SULT4A1: variants seen among roughly 807,000 people sequenced by gnomAD.
The protein encoded by SULT4A1 is sulfotransferase 4A1.
A neutral mutation model predicts 35.2 loss-of-function variants in SULT4A1; 11 were observed. The ratio of observed to expected loss-of-function variants is 0.31; its 90% CI spans 0.20 to 0.52. SULT4A1 has a LOEUF of 0.52. Ranked by LOEUF, SULT4A1 falls within the 20% of genes least tolerant of loss-of-function variation. The pLI is 0.97. For missense variants in SULT4A1, 271 were observed against 383.7 expected, an observed-to-expected ratio of 0.71 and a Z score of 2.45; for synonymous variants, 152 against 151.8, an observed-to-expected ratio of 1.00 and a Z score of -0.01.
At chr22:43,860,691 A>G (rs1420590403) in intron 1 of SULT4A1, among the ~76,000 whole-genome samples, 1 of 144,008 alleles carries the variant, frequency 6.9e-6, no homozygotes, top group African/African-American at 2.4e-5. Context: ...GAAAATATGA[A>G]CTGGGCTACC....
intron 5 of SULT4A1, among the ~76,000 whole-genome samples, chr22:43,831,171 A>G (rs2148278108): frequency 7.1e-6 from 1 of 141,832 alleles, no homozygotes; most frequent in South Asian, 2.6e-4. Context: ...GGGAGCCTGG[A>G]AGGCAGAGAA....
At chr22:43,835,311 C>T (rs879638017) in intron 4 of SULT4A1, among the ~76,000 whole-genome samples, 4 of 152,254 alleles carry the variant, frequency 2.6e-5, no homozygotes, top group Admixed American at 6.5e-5. Context: ...GTGCCCACCA[C>T]TGTGACGGTT....
chr22:43,831,080 C>T (rs775752373), intron 5 of SULT4A1, among the ~76,000 whole-genome samples: 1 of 152,218 alleles, frequency 6.6e-6, no homozygotes, highest in Non-Finnish European at 1.5e-5. Context: ...GCACTGACCC[C>T]GGCAGCTCTT....
intron 6 of SULT4A1, 39 bp from the exon 7 acceptor site, chr22:43,826,152 G>T: frequency 1.9e-6 from 3 of 1,610,650 alleles, no homozygotes; most frequent in Non-Finnish European, 2.5e-6. Flanking sequence ...GCCACTTGCT[G>T]TCCGGCCAGC....
chr22:43,838,629 T>G (rs1323822700), intron 4 of SULT4A1, among the ~76,000 whole-genome samples: 1 of 152,210 alleles, frequency 6.6e-6, no homozygotes, highest in Non-Finnish European at 1.5e-5. Flanking sequence ...GACAGTGTGG[T>G]AGAAGAGAAG....
chr22:43,831,935 C>T (rs1301232563), intron 5 of SULT4A1, among the ~76,000 whole-genome samples: 8 of 152,348 alleles, frequency 5.3e-5, no homozygotes, highest in Middle Eastern at 3.4e-3. Context: ...ACACACCAGG[C>T]GGGCCCGTGC....
intron 1 of SULT4A1, among the ~76,000 whole-genome samples, chr22:43,845,040 C>T (rs983335643): frequency 2.6e-5 from 4 of 152,182 alleles, no homozygotes; most frequent in South Asian, 2.1e-4. Context: ...CGGCCCTCTG[C>T]GCCTTCTCCA....
At chr22:43,838,335 CG>C (rs745491803) in intron 4 of SULT4A1, among the ~76,000 whole-genome samples, 4 of 152,226 alleles carry the variant, frequency 2.6e-5, no homozygotes, top group Non-Finnish European at 5.9e-5. Flanking sequence ...CTCCTCCCTG[CG>C]GGCACAAGTG....
chr22:43,828,108 C>T (rs1022112587), intron 6 of SULT4A1, among the ~76,000 whole-genome samples: 4 of 152,224 alleles, frequency 2.6e-5, no homozygotes, highest in Admixed American at 1.3e-4. Flanking sequence ...TGAGCTGGAG[C>T]CCAGCGCGTC....
intron 4 of SULT4A1, among the ~76,000 whole-genome samples, chr22:43,836,635 T>G (rs3901847): frequency 0.12 from 6,602 of 54,708 alleles, 713 homozygotes; most frequent in African/African-American, 0.21. Flanking sequence ...GCCACAGGGA[T>G]CCTGTCTACA....
At chr22:43,852,927 C>G (rs2049358141) in intron 1 of SULT4A1, among the ~76,000 whole-genome samples, 1 of 152,024 alleles carries the variant, frequency 6.6e-6, no homozygotes, top group Non-Finnish European at 1.5e-5. Flanking sequence ...CACACAAGTT[C>G]AGGGATGGAA....
intron 6 of SULT4A1, chr22:43,826,418 ACTC>A: frequency 1.0e-6 from 1 of 984,704 alleles, no homozygotes; most frequent in African/African-American, 1.8e-5. Flanking sequence ...GGGAGACTCT[ACTC>A]CTGTTCAGTG....
intron 2 of SULT4A1, 62 bp from the exon 3 acceptor site, chr22:43,840,087 G>A: frequency 5.1e-6 from 7 of 1,363,118 alleles, no homozygotes; most frequent in Non-Finnish European, 7.1e-6. Context: ...GGAGGAGTGG[G>A]GCCAAGGGGA....
Position 43,862,262 on chromosome 22 carries a change from A to G in SULT4A1, c.121T>C (p.Phe41Leu). The change falls in exon 1 of 7, where the codon TTC (phenylalanine) becomes CTC (leucine). Residue 41 changes from phenylalanine (F) to leucine (L), a missense_variant. Transcript: ENST00000330884. ...CRGKMEEIAN[F>L]PVRPSDVWIV... is the part of the protein sequence containing the mutation. ...CACACGTCGCTGGGCCGCACCGGGA[A>G]GTTGGCGATCTCCTCCATCTTCCCG... 1 of 1,569,266 alleles carries G rather than the reference A, an allele frequency of 6.4e-7. No homozygotes were observed. The highest frequency in any genetic ancestry group is 8.6e-7 in the Non-Finnish European group (1 of 1,157,018).
In SULT4A1 at chr22:43,849,314, G is replaced by A. The variant is rs147377578; in HGVS notation, c.170-7382C>T. On this transcript the variant is annotated intron_variant, in intron 1 of 6. Transcript: ENST00000330884. Reference sequence around the variant, plus strand: ...GGCAGGGAAAGATGGGGCAGAAGACGGCAGGTCCCCAGCAGGGGTCCCACC... The same window carrying A: ...GGCAGGGAAAGATGGGGCAGAAGACAGCAGGTCCCCAGCAGGGGTCCCACC... Among the ~76,000 whole-genome samples the A allele has an allele frequency of 6.2e-3, 940 of 152,224 alleles. 14 individuals carry two copies. The highest frequency in any genetic ancestry group is 0.022 in the African/African-American group (898 of 41,520).
chr22:43,859,799 G>A (rs2049445128), intron 1 of SULT4A1, among the ~76,000 whole-genome samples: 1 of 152,182 alleles, frequency 6.6e-6, no homozygotes, highest in South Asian at 2.1e-4. Flanking sequence ...AGCCCCATGT[G>A]GCTACTGAGC....
At chr22:43,859,934 C>T (rs927574575) in intron 1 of SULT4A1, among the ~76,000 whole-genome samples, 2 of 152,248 alleles carry the variant, frequency 1.3e-5, no homozygotes, top group African/African-American at 4.8e-5. Flanking sequence ...CCTAACCCGC[C>T]ATCTAAGCTA....
intron 4 of SULT4A1, among the ~76,000 whole-genome samples, chr22:43,837,247 G>A (rs2063384628): frequency 1.3e-5 from 2 of 152,262 alleles, no homozygotes; most frequent in East Asian, 3.8e-4. Context: ...CTGGGACCAA[G>A]GCACGTGTGT....
intron 6 of SULT4A1, chr22:43,827,224 T>C (rs1482915038): frequency 2.0e-6 from 2 of 985,316 alleles, no homozygotes; most frequent in African/African-American, 3.5e-5. Context: ...CTCCAGCAAA[T>C]GTCCTTCACT....
Sources: gnomAD v4.1 joint callset for allele counts (sites outside exome capture counted in the v4.1 genomes callset) on GRCh38, gnomAD v4.1.1 for gene constraint, MANE v1.5 for transcripts, NCBI Gene and HGNC (gene_info 2026-07-23, HGNC 2026-07-21) for gene names.